The following NEBL variants were observed in gnomAD, a reference collection of about 807,000 sequenced individuals.
NEBL encodes the protein nebulette.
Under a neutral mutation model 140.2 loss-of-function variants are expected in NEBL, and 122 were observed. The observed-to-expected ratio is 0.87, with a 90% CI of 0.75 to 1.01. The LOEUF is 1.01. NEBL is among the 50% of genes least tolerant of loss of function. The pLI is 0.00. For synonymous variants in NEBL, 436 were observed against 398.9 expected, an observed-to-expected ratio of 1.09 and a Z score of -1.11; for missense variants, 1,365 against 1,231.3, an observed-to-expected ratio of 1.11 and a Z score of -1.62.
At chr10:21,118,830 G>T (rs1838395713) in intron 2 of NEBL, among the ~76,000 whole-genome samples, 2 of 152,090 alleles carry the variant, frequency 1.3e-5, no homozygotes, top group African/African-American at 4.8e-5. Flanking sequence ...ACTGGATGTT[G>T]TACTTCAGCA....
At chr10:20,794,577 T>C (rs1198794431) in intron 26 of NEBL, among the ~76,000 whole-genome samples, 1 of 152,202 alleles carries the variant, frequency 6.6e-6, no homozygotes, top group East Asian at 1.9e-4. Flanking sequence ...ATTAAGCATA[T>C]TCATATTGTG....
intron 19 of NEBL, among the ~76,000 whole-genome samples, chr10:20,822,173 T>C (rs998631620): frequency 1.3e-5 from 2 of 152,218 alleles, no homozygotes; most frequent in African/African-American, 4.8e-5. Flanking sequence ...TATATACTCC[T>C]ATCTCTGTTT....
intron 3 of NEBL, among the ~76,000 whole-genome samples, chr10:21,212,302 T>C (rs1841931088): frequency 6.6e-6 from 1 of 152,116 alleles, no homozygotes; most frequent in African/African-American, 2.4e-5. Context: ...TACAACACAA[T>C]CTTTTTAATC....
chr10:20,935,475 C>T (rs942910243), intron 4 of NEBL, among the ~76,000 whole-genome samples: 2 of 152,156 alleles, frequency 1.3e-5, no homozygotes, highest in South Asian at 2.1e-4. Flanking sequence ...CAAGAACATG[C>T]TCCCCTCGGT....
chr10:21,000,753 T>A (rs1837861509), intron 3 of NEBL, among the ~76,000 whole-genome samples: 1 of 152,198 alleles, frequency 6.6e-6, no homozygotes, highest in African/African-American at 2.4e-5. Flanking sequence ...ATGGAGCAGA[T>A]GACATCAGGT....
chr10:21,013,312 C>G (rs531575238), intron 3 of NEBL, among the ~76,000 whole-genome samples: 1 of 152,154 alleles, frequency 6.6e-6, no homozygotes, highest in Non-Finnish European at 1.5e-5. Flanking sequence ...AATAAACATG[C>G]TGAAGCTTCT....
At chr10:21,047,728 C>T (rs990717704) in intron 2 of NEBL, among the ~76,000 whole-genome samples, 7 of 152,120 alleles carry the variant, frequency 4.6e-5, no homozygotes, top group Non-Finnish European at 7.4e-5. Flanking sequence ...AGTCTTAATC[C>T]TTGTTCTGCC....
At chr10:21,164,609 T>C (rs946706735) in intron 2 of NEBL, among the ~76,000 whole-genome samples, 10 of 152,188 alleles carry the variant, frequency 6.6e-5, no homozygotes, top group African/African-American at 2.4e-4. Context: ...AGGCAGAACT[T>C]ACACATCAAA....
At chr10:21,029,577 C>T in intron 2 of NEBL, 2 of 1,593,886 alleles carry the variant, frequency 1.3e-6, no homozygotes, top group Non-Finnish European at 8.6e-7. Flanking sequence ...GGGATTCTGA[C>T]AAAACAGATA....
intron 3 of NEBL, among the ~76,000 whole-genome samples, chr10:21,221,725 G>A (rs1371939853): frequency 6.6e-6 from 1 of 152,044 alleles, no homozygotes; most frequent in Non-Finnish European, 1.5e-5. Context: ...GGCTGGTCTT[G>A]AACTCCTGAC....
Position 20,914,969 on chromosome 10 carries a change from A to ATTTTTTTTTTTTTTTTTTTTTTTT in NEBL, c.357+46702_357+46703insAAAAAAAAAAAAAAAAAAAAAAAA, listed in dbSNP as rs71390798. ...TACCTCTGCCTCCCAAGTGGCTGGG[A>ATTTTTTTTTTTTTTTTTTTTTTTT]TTTTTTTTTTTTTTGGAGAGATGGG... On this transcript the variant is annotated intron_variant, in intron 4 of 6. Transcript: ENST00000417816. Among the ~76,000 whole-genome samples, 13 of 111,242 alleles carry ATTTTTTTTTTTTTTTTTTTTTTTT rather than the reference A, an allele frequency of 1.2e-4. 2 individuals carry two copies. The highest frequency in any genetic ancestry group is 4.5e-4 in the African/African-American group (13 of 29,202). The allele number at this position is 111,242 out of a possible 152,430, so 73.0% of individuals were successfully genotyped here.
intron 2 of NEBL, among the ~76,000 whole-genome samples, chr10:21,093,797 T>G (rs1332050875): frequency 2.0e-5 from 3 of 152,248 alleles, no homozygotes; most frequent in African/African-American, 7.2e-5. Context: ...AATACATTTC[T>G]TGTGAAAATC....
chr10:20,872,342 G>A (rs185292298), intron 5 of NEBL, among the ~76,000 whole-genome samples: 2 of 152,184 alleles, frequency 1.3e-5, no homozygotes, highest in African/African-American at 2.4e-5. Context: ...AAAAGCTTCC[G>A]CGCCTGATCA....
intron 5 of NEBL, among the ~76,000 whole-genome samples, chr10:20,877,991 C>T (rs567004293): frequency 2.0e-5 from 3 of 152,248 alleles, no homozygotes; most frequent in East Asian, 1.9e-4. Context: ...TGACATGAGA[C>T]GATGAACCTC....
intron 26 of NEBL, among the ~76,000 whole-genome samples, chr10:20,789,917 A>G (rs554160029): frequency 6.6e-6 from 1 of 150,624 alleles, no homozygotes; most frequent in South Asian, 2.1e-4. Context: ...ATGTATATAT[A>G]TATGTGTGTG....
chr10:20,914,114 T>G (rs1344612342), intron 4 of NEBL, among the ~76,000 whole-genome samples: 1 of 152,146 alleles, frequency 6.6e-6, no homozygotes, highest in Non-Finnish European at 1.5e-5. Flanking sequence ...GACACTGCAC[T>G]TGAGGAGAGG....
intron 2 of NEBL, among the ~76,000 whole-genome samples, chr10:21,091,988 T>G (rs1327867893): frequency 1.3e-5 from 2 of 152,218 alleles, no homozygotes; most frequent in African/African-American, 4.8e-5. Flanking sequence ...TTTTTACCCA[T>G]AGCTAATTTA....
intron 2 of NEBL, among the ~76,000 whole-genome samples, chr10:21,089,580 A>G (rs1387725788): frequency 1.3e-5 from 2 of 151,998 alleles, no homozygotes; most frequent in Admixed American, 6.6e-5. Flanking sequence ...GAGCCACTGA[A>G]TTCACTCAAA....
intron 2 of NEBL, among the ~76,000 whole-genome samples, chr10:21,148,186 A>T (rs570900262): frequency 6.6e-6 from 1 of 152,342 alleles, no homozygotes; most frequent in Admixed American, 6.5e-5. Flanking sequence ...CCAGAAAGGG[A>T]ATAACACGTG....
Sources: gnomAD v4.1 joint callset for allele counts (sites outside exome capture counted in the v4.1 genomes callset) on GRCh38, gnomAD v4.1.1 for gene constraint, MANE v1.5 for transcripts, NCBI Gene and HGNC (gene_info 2026-07-23, HGNC 2026-07-21) for gene names.